The following PEBP4 variants were observed in gnomAD, a reference collection of about 807,000 sequenced individuals.
The protein encoded by PEBP4 is phosphatidylethanolamine-binding protein 4.
PEBP4 carries 22 observed loss-of-function variants against 23.9 expected under a neutral mutation model. That is an observed-to-expected ratio of 0.92 (90% CI 0.66 to 1.31). The LOEUF (loss-of-function observed/expected upper bound fraction) is 1.31, where lower values mean the gene tolerates loss of function less well. Among genes scored for constraint, PEBP4 ranks in the 40% most tolerant of loss-of-function variants. The pLI, the probability that PEBP4 is intolerant of heterozygous loss-of-function variation, is 0.00. For missense variants in PEBP4, 324 were observed against 281.7 expected (o/e 1.15, Z -1.07); for synonymous variants, 112 against 99.3 (o/e 1.13, Z -0.76).
intron 3 of PEBP4, among the ~76,000 whole-genome samples, chr8:22,841,622 C>A (rs73215074): frequency 0.13 from 20,480 of 152,238 alleles, 1,545 homozygotes; most frequent in Middle Eastern, 0.22. Flanking sequence ...TCTGCATGTG[C>A]AAATGCCACC....
chr8:22,916,776 G>A (rs17679321), intron 3 of PEBP4, among the ~76,000 whole-genome samples: 5,934 of 152,336 alleles, frequency 0.039, 119 homozygotes, highest in Middle Eastern at 0.051. Context: ...CTCAAAGAAA[G>A]ACAACACATA....
chr8:22,757,375 C>T (rs1805409366), intron 4 of PEBP4: 2 of 152,270 alleles, frequency 1.3e-5, no homozygotes, highest in Admixed American at 1.3e-4. Context: ...TTACACATTT[C>T]AGCAACTTCA....
rs543158163 is a variant in PEBP4 at position 22,725,114 on chromosome 8, C to G, written c.404-158G>C. 1.1e-4 allele frequency among the ~76,000 whole-genome samples: 16 copies of G among 151,844 alleles called. 3 individuals carry two copies. Among genetic ancestry groups the G allele is most frequent in the African/African-American group, 3.9e-4 (16 of 41,354 alleles). ...TTTGTATTTGGCGGGATCTCAGCTT[C>G]AGTATTTTCATTTAAGAAGTACATA... On this transcript the variant is annotated intron_variant, in intron 5 of 6. Transcript: ENST00000256404.
chr8:22,792,027 C>CTT lies in PEBP4; in HGVS notation c.357+25608_357+25609dup, dbSNP rs34005416. ...ACACACCACCACGCCTGGCTAAGAA[C>CTT]TTTTTTTTTTTTGTAGAGACAGGGT... On this transcript the variant is annotated intron_variant, in intron 4 of 6. Transcript: ENST00000256404. 1.8e-3 allele frequency among the ~76,000 whole-genome samples: 256 copies of CTT among 146,204 alleles called. 1 individual carries two copies. Among genetic ancestry groups the CTT allele is most frequent in the Middle Eastern group, 7.0e-3 (2 of 284 alleles).
At chr8:22,765,152 T>TTC (rs1375605717) in intron 4 of PEBP4, among the ~76,000 whole-genome samples, 5 of 66,790 alleles carry the variant, frequency 7.5e-5, no homozygotes, top group African/African-American at 1.1e-4. Context: ...TTCCTTCCTT[T>TTC]CTTTCTTCTG....
intron 3 of PEBP4, among the ~76,000 whole-genome samples, chr8:22,823,741 A>C (rs1453402253): frequency 6.6e-6 from 1 of 152,098 alleles, no homozygotes; most frequent in Non-Finnish European, 1.5e-5. Flanking sequence ...TATTTACAAT[A>C]TCTATGAAAA....
At chr8:22,930,112 C>A (rs11135688), upstream of PEBP4, among the ~76,000 whole-genome samples, 899 of 152,176 alleles carry the variant, frequency 5.9e-3, 3 homozygotes, top group African/African-American at 0.021. Flanking sequence ...GACCCAGAGT[C>A]CTTCACGTGG....
At chr8:22,776,478 C>T (rs781083514) in intron 4 of PEBP4, among the ~76,000 whole-genome samples, 2 of 151,938 alleles carry the variant, frequency 1.3e-5, no homozygotes, top group Non-Finnish European at 2.9e-5. Context: ...CTGTGGGCCT[C>T]CTGGTTACGC....
chr8:22,883,534 G>A (rs931750309), intron 3 of PEBP4, among the ~76,000 whole-genome samples: 1 of 151,970 alleles, frequency 6.6e-6, no homozygotes, highest in African/African-American at 2.4e-5. Context: ...AAGGTGAGCT[G>A]AAGGTGGCAC....
At chr8:22,881,157 G>A (rs1808248019) in intron 3 of PEBP4, among the ~76,000 whole-genome samples, 1 of 152,234 alleles carries the variant, frequency 6.6e-6, no homozygotes, top group African/African-American at 2.4e-5. Context: ...CCTTGAGTGT[G>A]TCCATGGGGC....
intron 6 of PEBP4, among the ~76,000 whole-genome samples, chr8:22,714,782 T>C (rs952331322): frequency 4.4e-4 from 67 of 152,234 alleles, no homozygotes; most frequent in African/African-American, 1.5e-3. Flanking sequence ...ACCACCCTTT[T>C]CATAGCAATT....
At chr8:22,924,710 G>GCA in intron 2 of PEBP4, 1 of 985,396 alleles carries the variant, frequency 1.0e-6, no homozygotes, top group African/African-American at 1.7e-5. Context: ...GATGGCAGCA[G>GCA]CAGGTGGGGT....
At chr8:22,854,926 A>ATG (rs113480248) in intron 3 of PEBP4, among the ~76,000 whole-genome samples, 40,813 of 132,918 alleles carry the variant, frequency 0.31, 7,176 homozygotes, top group East Asian at 0.52. Flanking sequence ...TGAGATTAGA[A>ATG]TGTGTGTGTG....
chr8:22,865,194 C>A lies in PEBP4; in HGVS notation c.259-47459G>T, dbSNP rs1412130454. 1.4e-5 allele frequency among the ~76,000 whole-genome samples: 2 copies of A among 144,408 alleles called. No homozygotes were observed. The highest frequency in any genetic ancestry group is 5.2e-5 in the African/African-American group (2 of 38,546). 94.7% of individuals were successfully genotyped at this position (144,408 alleles called of 152,430 possible). A position where few individuals can be genotyped will look rare whatever the true frequency, so the allele number is the denominator to read the frequency against. On this transcript the variant is annotated intron_variant, in intron 3 of 6. Transcript: ENST00000256404. This position sits in a 1 kb window ranked among gnomAD's most constrained non-coding sequence, Gnocchi z 6.9. ...GTTCTCCTGTGACTCAGGTCTGACT[C>A]AATGCCATTTCTGAAACAGCCTGGG...
intron 3 of PEBP4, chr8:22,888,159 T>TC (rs1451473097): frequency 1.3e-5 from 2 of 150,616 alleles, no homozygotes; most frequent in African/African-American, 4.9e-5. Context: ...CCACTTCTTT[T>TC]TTTTTTTTTT....
intron 3 of PEBP4, among the ~76,000 whole-genome samples, chr8:22,836,656 C>T (rs888272553): frequency 1.3e-5 from 2 of 152,170 alleles, no homozygotes; most frequent in African/African-American, 4.8e-5. Flanking sequence ...AGCCGGGTGG[C>T]GAGTTCAAAT....
chr8:22,793,773 G>C (rs1806188652), intron 4 of PEBP4, among the ~76,000 whole-genome samples: 1 of 152,014 alleles, frequency 6.6e-6, no homozygotes, highest in Admixed American at 6.6e-5. Flanking sequence ...ATTTTGATAG[G>C]TATCATTCTT....
chr8:22,927,457 C>A (rs143546207), intron 2 of PEBP4, 127 bp downstream of exon 2: 10 of 1,178,224 alleles, frequency 8.5e-6, no homozygotes, highest in Non-Finnish European at 9.3e-6. Context: ...AGATCTGACA[C>A]GTGTTCTGCC....
chr8:22,895,507 A>G (rs1808571298), intron 3 of PEBP4: 1 of 152,116 alleles, frequency 6.6e-6, no homozygotes, highest in African/African-American at 2.4e-5. Context: ...TGATCATGAC[A>G]CATCTAGGTG....
Sources: allele counts gnomAD v4.1 joint callset (sites outside exome capture counted in the v4.1 genomes callset), GRCh38; gene constraint gnomAD v4.1.1; non-coding constraint Gnocchi (gnomAD v3.1); transcripts MANE v1.5; gene names NCBI Gene and HGNC (gene_info 2026-07-23, HGNC 2026-07-21).